Variants in PXDNL observed in about 807,000 individuals in gnomAD.
PXDNL encodes probable oxidoreductase PXDNL.
In PXDNL, 145 loss-of-function variants were observed where a neutral mutation model predicts 150.8. The observed-to-expected ratio is 0.96, with a 90% CI of 0.84 to 1.10. The LOEUF (loss-of-function observed/expected upper bound fraction) is 1.10. Ranked by LOEUF, PXDNL falls within the 50% of genes least tolerant of loss-of-function variation. The probability of loss-of-function intolerance (pLI) is 0.00; values close to 1 mark genes in which losing one functional copy is unlikely to be tolerated. For synonymous variants in PXDNL, 757 were observed against 725.7 expected, an observed-to-expected ratio of 1.04 and a Z score of -0.69; for missense variants, 2,087 against 1,873.9, an observed-to-expected ratio of 1.11 and a Z score of -2.10.
intron 11 of PXDNL, among the ~76,000 whole-genome samples, chr8:51,448,613 T>G (rs754281814): frequency 1.3e-5 from 2 of 152,030 alleles, no homozygotes; most frequent in Non-Finnish European, 2.9e-5. Context: ...GGCAGAAGAA[T>G]GGCGTGAACC....
At chr8:51,511,885 G>A (rs1006945638) in intron 4 of PXDNL, among the ~76,000 whole-genome samples, 2 of 152,206 alleles carry the variant, frequency 1.3e-5, no homozygotes, top group Non-Finnish European at 2.9e-5. Flanking sequence ...CCAGTATACT[G>A]TATCTGCTAT....
intron 1 of PXDNL, among the ~76,000 whole-genome samples, chr8:51,685,900 A>G (rs180719609): frequency 1.3e-5 from 2 of 152,378 alleles, no homozygotes; most frequent in Non-Finnish European, 2.9e-5. Context: ...ACCCACAGCA[A>G]CAAATATTTA....
At chr8:51,759,395 T>C (rs1387575964) in intron 1 of PXDNL, among the ~76,000 whole-genome samples, 3 of 152,180 alleles carry the variant, frequency 2.0e-5, no homozygotes, top group African/African-American at 4.8e-5. Flanking sequence ...CTCACTGCAC[T>C]CCGCTTCCTG....
intron 1 of PXDNL, among the ~76,000 whole-genome samples, chr8:51,669,843 A>G (rs1446635089): frequency 6.6e-6 from 1 of 152,254 alleles, no homozygotes; most frequent in East Asian, 1.9e-4. Flanking sequence ...ATTTAAAAAA[A>G]TAACTCCATG....
intron 4 of PXDNL, among the ~76,000 whole-genome samples, chr8:51,553,738 TTTTATATATATATATATATA>T (rs1812541939): frequency 9.5e-6 from 1 of 105,530 alleles, no homozygotes; most frequent in Admixed American, 1.0e-4. Context: ...TTGTGAGGGA[TTTTATATATATATATATATA>T]TATATATATA....
At chr8:51,436,158 A>G (rs1458844242) in intron 12 of PXDNL, 1 of 516,894 alleles carries the variant, frequency 1.9e-6, no homozygotes. Context: ...AAGAACTCTT[A>G]ATTCAGATCT....
intron 5 of PXDNL, among the ~76,000 whole-genome samples, chr8:51,498,303 G>T (rs1585527342): frequency 8.0e-6 from 1 of 124,646 alleles, no homozygotes; most frequent in Admixed American, 8.8e-5. Context: ...AGGGGGGAGG[G>T]ATAGCATTAG....
intron 21 of PXDNL, among the ~76,000 whole-genome samples, chr8:51,338,952 T>C (rs551829212): frequency 2.9e-4 from 44 of 152,262 alleles, no homozygotes; most frequent in Middle Eastern, 3.4e-3. Context: ...CATCGTGCTG[T>C]TAAAAATTAT....
At chr8:51,457,897 T>C (rs1368098761) in intron 8 of PXDNL, among the ~76,000 whole-genome samples, 1 of 152,096 alleles carries the variant, frequency 6.6e-6, no homozygotes, top group Non-Finnish European at 1.5e-5. Flanking sequence ...TAGAGGGAAA[T>C]GAGGTTGAGA....
At chr8:51,618,417 G>T (rs1814174066) in intron 2 of PXDNL, among the ~76,000 whole-genome samples, 1 of 152,176 alleles carries the variant, frequency 6.6e-6, no homozygotes, top group Non-Finnish European at 1.5e-5. Context: ...CTGGGAACCA[G>T]GCATCATGGA....
At chr8:51,714,083 T>G (rs539816453) in intron 1 of PXDNL, among the ~76,000 whole-genome samples, 28 of 152,328 alleles carry the variant, frequency 1.8e-4, no homozygotes, top group African/African-American at 6.3e-4. Flanking sequence ...GATAGTACAT[T>G]GAGTTCAACT....
At chr8:51,421,554 G>T (rs1469568398) in intron 14 of PXDNL, among the ~76,000 whole-genome samples, 1 of 151,980 alleles carries the variant, frequency 6.6e-6, no homozygotes, top group Non-Finnish European at 1.5e-5. Context: ...ACAAAAATTA[G>T]CCTGGCGTGT....
chr8:51,455,351 G>C (rs1809917065), intron 9 of PXDNL, among the ~76,000 whole-genome samples: 1 of 151,974 alleles, frequency 6.6e-6, no homozygotes, highest in Non-Finnish European at 1.5e-5. Flanking sequence ...AGGATGCTGT[G>C]GGTTTGTGTG....
intron 6 of PXDNL, among the ~76,000 whole-genome samples, chr8:51,479,275 T>A (rs1486590235): frequency 1.3e-5 from 2 of 152,178 alleles, no homozygotes; most frequent in Non-Finnish European, 2.9e-5. Flanking sequence ...GAAATTTATG[T>A]AGACAAGAAA....
chr8:51,765,988 C>T (rs1031033567), intron 1 of PXDNL, among the ~76,000 whole-genome samples: 3 of 151,866 alleles, frequency 2.0e-5, no homozygotes, highest in Admixed American at 6.6e-5. Flanking sequence ...GCACTACAGG[C>T]GCCCGCCACC....
chr8:51,364,984 A>T (rs1043867270), intron 19 of PXDNL, among the ~76,000 whole-genome samples: 2 of 152,090 alleles, frequency 1.3e-5, no homozygotes, highest in Admixed American at 1.3e-4. Context: ...TCTGTAGCCC[A>T]GGTTGGAGTG....
chr8:51,637,290 G>C (rs1477809041), intron 2 of PXDNL, among the ~76,000 whole-genome samples: 1 of 152,158 alleles, frequency 6.6e-6, no homozygotes. Flanking sequence ...AAAAATCAGA[G>C]TGCCTCTCCC....
chr8:51,652,425 T>A (rs572378765), intron 2 of PXDNL, among the ~76,000 whole-genome samples: 187 of 140,164 alleles, frequency 1.3e-3, no homozygotes, highest in Non-Finnish European at 2.4e-3. Flanking sequence ...TCTCTCTGTC[T>A]CTCTCTCTCT....
chr8:51,775,123 C>A (rs1417245971), intron 1 of PXDNL, among the ~76,000 whole-genome samples: 1 of 152,022 alleles, frequency 6.6e-6, no homozygotes, highest in East Asian at 1.9e-4. Context: ...AATTGTTATT[C>A]ACTTAGGTAG....
Sources: allele counts gnomAD v4.1 joint callset (sites outside exome capture counted in the v4.1 genomes callset), GRCh38; gene constraint gnomAD v4.1.1; transcripts MANE v1.5; gene names NCBI Gene and HGNC (gene_info 2026-07-23, HGNC 2026-07-21).